The following ARHGEF3 variants were observed in gnomAD, a reference collection of about 807,000 sequenced individuals.
ARHGEF3 encodes the protein 59.8 kDA protein.
Under a neutral mutation model 63.2 loss-of-function variants are expected in ARHGEF3, and 28 were observed. The ratio of observed to expected loss-of-function variants is 0.44; its 90% CI spans 0.33 to 0.61. The LOEUF (loss-of-function observed/expected upper bound fraction) is 0.61, where lower values mean the gene tolerates loss of function less well. Ranked by LOEUF, ARHGEF3 falls within the 20% of genes least tolerant of loss-of-function variation. The pLI, the probability that ARHGEF3 is intolerant of heterozygous loss-of-function variation, is 0.03. For missense variants in ARHGEF3, 533 were observed against 659.3 expected (o/e 0.81, Z 2.10); for synonymous variants, 266 against 254.2 (o/e 1.05, Z -0.44).
At chr3:56,791,970 G>A (rs1181712655) in intron 1 of ARHGEF3, among the ~76,000 whole-genome samples, 10 of 152,006 alleles carry the variant, frequency 6.6e-5, no homozygotes, top group Admixed American at 4.6e-4. Context: ...GCTGGGTGCG[G>A]TGGCTCACGC....
intron 3 of ARHGEF3, among the ~76,000 whole-genome samples, chr3:56,905,027 C>T (rs1017320291): frequency 1.1e-4 from 16 of 152,180 alleles, no homozygotes; most frequent in Admixed American, 3.3e-4. Context: ...CTGAACCCAT[C>T]CCACTCATTC....
chr3:56,996,813 G>A (rs750545779), intron 2 of ARHGEF3, among the ~76,000 whole-genome samples: 7 of 151,726 alleles, frequency 4.6e-5, no homozygotes, highest in Non-Finnish European at 8.8e-5. Context: ...GCCCGCAGGC[G>A]GGCCCAGTAC....
At chr3:57,009,497 G>A (rs1702596666) in intron 2 of ARHGEF3, among the ~76,000 whole-genome samples, 1 of 152,202 alleles carries the variant, frequency 6.6e-6, no homozygotes, top group Admixed American at 6.5e-5. Flanking sequence ...GAGGCTAGAG[G>A]CGGGTGGATC....
intron 1 of ARHGEF3, chr3:56,775,359 G>T (rs2036236411): frequency 9.2e-7 from 1 of 1,090,664 alleles, no homozygotes; most frequent in Non-Finnish European, 1.1e-6. Flanking sequence ...AAGCTTTCCA[G>T]CATTTGCATA....
chr3:56,916,405 A>G, intron 3 of ARHGEF3: 1 of 1,522,698 alleles, frequency 6.6e-7, no homozygotes, highest in African/African-American at 1.4e-5. Flanking sequence ...CCCTGTGCAC[A>G]GGATTCTCTG....
chr3:56,805,745 T>C (rs1371178769), upstream of ARHGEF3, among the ~76,000 whole-genome samples: 4 of 152,218 alleles, frequency 2.6e-5, no homozygotes, highest in Admixed American at 2.6e-4. Flanking sequence ...CCACTATACA[T>C]GCTAGGCAAA....
intron 1 of ARHGEF3, among the ~76,000 whole-genome samples, chr3:57,044,045 G>A (rs899614635): frequency 3.1e-4 from 47 of 152,222 alleles, no homozygotes; most frequent in African/African-American, 1.1e-3. Flanking sequence ...TTCCCAGAGT[G>A]CTCTGAAGAT....
intron 3 of ARHGEF3, among the ~76,000 whole-genome samples, chr3:56,924,792 C>T (rs1360443884): frequency 6.6e-6 from 1 of 152,214 alleles, no homozygotes; most frequent in Non-Finnish European, 1.5e-5. Flanking sequence ...TGACCTGTAT[C>T]TTGTGCTGAC....
intron 3 of ARHGEF3, chr3:56,940,282 T>C (rs1699112136): frequency 6.6e-6 from 1 of 152,176 alleles, no homozygotes; most frequent in Non-Finnish European, 1.5e-5. Flanking sequence ...CACTTGCAAC[T>C]AGGATTTTGT....
intron 2 of ARHGEF3, among the ~76,000 whole-genome samples, chr3:56,996,116 T>G (rs1178620624): frequency 1.3e-5 from 2 of 152,150 alleles, no homozygotes; most frequent in Non-Finnish European, 2.9e-5. Flanking sequence ...ATTCTCATTT[T>G]GTAGACCTAG....
chr3:57,047,503 C>T (rs1220513500), intron 1 of ARHGEF3, among the ~76,000 whole-genome samples: 1 of 152,162 alleles, frequency 6.6e-6, no homozygotes, highest in Non-Finnish European at 1.5e-5. Flanking sequence ...GCCTCAGTTT[C>T]CCCAACTAGA....
At chr3:56,765,629 C>T (rs898136477) in intron 2 of ARHGEF3, among the ~76,000 whole-genome samples, 7 of 152,122 alleles carry the variant, frequency 4.6e-5, no homozygotes, top group Non-Finnish European at 1.0e-4. Flanking sequence ...ATCCCATATT[C>T]CCTTCTGAAG....
chr3:56,775,249 A>T, intron 1 of ARHGEF3: 1 of 1,292,970 alleles, frequency 7.7e-7, no homozygotes, highest in Non-Finnish European at 9.9e-7. Context: ...GCCTGGAAAA[A>T]TCTTTCGTGA....
At chr3:57,060,250 G>A (rs1338980921) in intron 1 of ARHGEF3, among the ~76,000 whole-genome samples, 1 of 151,146 alleles carries the variant, frequency 6.6e-6, no homozygotes, top group African/African-American at 2.4e-5. Context: ...GCAGGGAGCC[G>A]TGATTGTGCC....
chr3:56,951,809 C>A (rs948345001), intron 3 of ARHGEF3, among the ~76,000 whole-genome samples: 1 of 151,878 alleles, frequency 6.6e-6, no homozygotes, highest in Non-Finnish European at 1.5e-5. Context: ...ATATTCTCCC[C>A]ACTTGCAAAT....
chr3:57,014,907 G>C lies in ARHGEF3; in HGVS notation c.62+20181C>G, dbSNP rs995810526. Among the ~76,000 whole-genome samples, 4 of 152,002 alleles carry C rather than the reference G, an allele frequency of 2.6e-5. No homozygotes were observed. The South Asian group carries it at 8.3e-4, about 32-fold the overall frequency. On this transcript the variant is annotated intron_variant, in intron 2 of 12. Transcript: ENST00000338458. ...TCACCGTGTTAGCCAGGATGGTCTC[G>C]ATCTCCTGACCTCGTGATCCTCCCG...
chr3:56,987,368 C>T (rs1037681809), intron 2 of ARHGEF3, among the ~76,000 whole-genome samples: 2 of 152,174 alleles, frequency 1.3e-5, no homozygotes, highest in Admixed American at 6.5e-5. Context: ...CTTCAGGGCT[C>T]CCCCTCTTTG....
intron 3 of ARHGEF3, among the ~76,000 whole-genome samples, chr3:56,939,308 C>T (rs1227717554): frequency 2.0e-5 from 3 of 152,202 alleles, no homozygotes; most frequent in Non-Finnish European, 4.4e-5. Context: ...TATGTTCCCT[C>T]AGTTCTCGAC....
At chr3:56,992,136 ATGTGTGTGTGTT>A (rs1269596920) in intron 2 of ARHGEF3, among the ~76,000 whole-genome samples, 18 of 149,384 alleles carry the variant, frequency 1.2e-4, no homozygotes, top group African/African-American at 4.4e-4. Flanking sequence ...AATGAGTTAA[ATGTGTGTGTGTT>A]CCTGGATGGT....
Sources: allele counts gnomAD v4.1 joint callset (sites outside exome capture counted in the v4.1 genomes callset), GRCh38; gene constraint gnomAD v4.1.1; transcripts MANE v1.5; gene names NCBI Gene and HGNC (gene_info 2026-07-23, HGNC 2026-07-21).